The following ZHX3 variants were observed in gnomAD, a reference collection of about 807,000 sequenced individuals.
ZHX3 encodes the protein zinc fingers and homeoboxes protein 3.
In ZHX3, 20 loss-of-function variants were observed where a neutral mutation model predicts 64.5. The observed-to-expected ratio is 0.31, with a 90% CI of 0.22 to 0.45. The LOEUF is 0.45. ZHX3 is among the 20% of genes least tolerant of loss of function. The pLI, the probability that ZHX3 is intolerant of heterozygous loss-of-function variation, is 1.00. For synonymous variants in ZHX3, 423 were observed against 461.6 expected (o/e 0.92, Z 1.07); for missense variants, 1,041 against 1,195.8 (o/e 0.87, Z 1.91).
chr20:41,209,167 A>G (rs191774437), intron 2 of ZHX3, among the ~76,000 whole-genome samples: 7 of 152,338 alleles, frequency 4.6e-5, no homozygotes, highest in African/African-American at 1.7e-4. Context: ...GAGAACTACA[A>G]ACCAGTGCTC....
chr20:41,184,907 CTA>C lies in ZHX3; in HGVS notation c.*282_*283del, dbSNP rs746937476. 7 of 1,533,604 alleles carry C rather than the reference CTA, an allele frequency of 4.6e-6. No individual in the cohort carries two copies. The highest frequency in any genetic ancestry group is 6.1e-6 in the Non-Finnish European group (7 of 1,143,922). The allele number at this position is 1,533,604 out of a possible 1,614,324, so 95.0% of individuals were successfully genotyped here. On this transcript the variant is annotated 3_prime_UTR_variant, in exon 4 of 4. Coordinates refer to ENST00000683867, the MANE Select transcript of ZHX3 (RefSeq NM_001384317.1). ...CTTGATTCTGTGTCTATGAATATGA[CTA>C]TGAACTCTGAACTATTTTATCCATT...
chr20:41,203,702 G>A lies in ZHX3; in HGVS notation c.1215C>T (p.Leu405=), dbSNP rs375328930. The change falls in exon 3 of 4, where the codon CTC becomes CTT. Residue 405 remains leucine, a synonymous_variant. Coordinates refer to ENST00000683867, the MANE Select transcript of ZHX3 (RefSeq NM_001384317.1). The surrounding 1 kb of genome is among the most constrained non-coding windows in gnomAD (Gnocchi z 7.1). ...LVASAGNVQH[L]IQAALPGHVV... ...CGTGACCTGGAAGAGCGGCCTGGAT[G>A]AGATGCTGGACATTGCCAGCACTGG... 2.6e-5 allele frequency: 42 copies of A among 1,614,122 alleles called. 1 individual carries two copies. Among genetic ancestry groups the A allele is most frequent in the Admixed American group, 2.2e-4 (13 of 60,010 alleles).
At chr20:41,197,398 T>A (rs2037826733) in intron 3 of ZHX3, among the ~76,000 whole-genome samples, 1 of 147,426 alleles carries the variant, frequency 6.8e-6, no homozygotes, top group Non-Finnish European at 1.5e-5. Flanking sequence ...TAAATATATT[T>A]TATATATAAT....
At position 41,196,328 on chromosome 20, in the gene ZHX3, A is replaced by AT. The variant is rs1352574786; in HGVS notation, c.2860+5728dup. ...ATAAATATATATTTATAATAAATAT[A>AT]TTTTTATTTCATATATAAATATATA... is the stretch of plus-strand genomic sequence containing the variant. On this transcript the variant is annotated intron_variant, in intron 3 of 3. Transcript: ENST00000683867. 3.5e-4 allele frequency among the ~76,000 whole-genome samples: 38 copies of AT among 109,932 alleles called. 2 individuals carry two copies. The East Asian group carries it at 3.8e-3, about 11-fold the overall frequency. The allele number at this position is 109,932 out of a possible 152,430, so 72.1% of individuals were successfully genotyped here.
At chr20:41,227,143 G>T (rs1054739553) in intron 2 of ZHX3, among the ~76,000 whole-genome samples, 1 of 152,144 alleles carries the variant, frequency 6.6e-6, no homozygotes, top group African/African-American at 2.4e-5. Flanking sequence ...GCTCAATAAA[G>T]TTCTGTATTT....
At chr20:41,272,700 A>G (rs2043201642) in intron 1 of ZHX3, among the ~76,000 whole-genome samples, 1 of 152,218 alleles carries the variant, frequency 6.6e-6, no homozygotes, top group African/African-American at 2.4e-5. Context: ...TGCAGCATGC[A>G]TCAGTACTTC....
At chr20:41,281,468 T>C (rs2043672542) in intron 1 of ZHX3, among the ~76,000 whole-genome samples, 1 of 151,988 alleles carries the variant, frequency 6.6e-6, no homozygotes, top group Non-Finnish European at 1.5e-5. Flanking sequence ...AAAATACACA[T>C]TAGGTGAAGT....
At position 41,182,562 on chromosome 20, in the gene ZHX3, C is replaced by A. The variant is rs1323338119; in HGVS notation, c.*2629G>T. ...AACCCTTGAGTACCTCCTACAATGT[C>A]CCTTTAAGCACCTGCGTGATGACTG... On this transcript the variant is annotated 3_prime_UTR_variant, in exon 4 of 4. Transcript: ENST00000683867. The surrounding 1 kb of genome is among the most constrained non-coding windows in gnomAD (Gnocchi z 6.1). The A allele has an allele frequency of 6.6e-6, 1 of 152,184 alleles. No individual in the cohort carries two copies. Among genetic ancestry groups the A allele is most frequent in the African/African-American group, 2.4e-5 (1 of 41,426 alleles). 9.4% of individuals were successfully genotyped at this position (152,184 alleles called of 1,614,324 possible).
At position 41,219,482 on chromosome 20, in the gene ZHX3, T is replaced by C. The variant is rs938899562; in HGVS notation, c.-150-14416A>G. Among the ~76,000 whole-genome samples, 2 of 152,212 alleles carry C rather than the reference T, an allele frequency of 1.3e-5. No individual in the cohort carries two copies. Among genetic ancestry groups the C allele is most frequent in the African/African-American group, 2.4e-5 (1 of 41,452 alleles). On this transcript the variant is annotated intron_variant, in intron 2 of 3. Coordinates refer to ENST00000683867, the MANE Select transcript of ZHX3 (RefSeq NM_001384317.1). The surrounding 1 kb of genome is among the most constrained non-coding windows in gnomAD (Gnocchi z 5.0). ...GCCTATACCTGAAGATCTCCAAAGATAGGGAGCTTGGCACTTATTGACACT... is the reference window on the plus strand; with the variant it reads ...GCCTATACCTGAAGATCTCCAAAGACAGGGAGCTTGGCACTTATTGACACT...
intron 1 of ZHX3, among the ~76,000 whole-genome samples, chr20:41,290,883 C>G (rs532123918): frequency 6.6e-6 from 1 of 152,306 alleles, no homozygotes; most frequent in South Asian, 2.1e-4. Context: ...CTTTCTTCAT[C>G]TGGGGGCCTC....
Position 41,232,354 on chromosome 20 carries a change from A to G in ZHX3, c.-150-27288T>C, listed in dbSNP as rs1008617066. 2.0e-5 allele frequency among the ~76,000 whole-genome samples: 3 copies of G among 152,178 alleles called. No homozygotes were observed. Among genetic ancestry groups the G allele is most frequent in the Non-Finnish European group, 2.9e-5 (2 of 68,034 alleles). On this transcript the variant is annotated intron_variant, in intron 2 of 3. Coordinates refer to ENST00000683867, the MANE Select transcript of ZHX3 (RefSeq NM_001384317.1). The surrounding 1 kb of genome is among the most constrained non-coding windows in gnomAD (Gnocchi z 5.0). ...AATGGTTAAGAACTAGTATACAGCA[A>G]AGCAGACCTGGGGAGTGTGTGGTGT...
At position 41,200,721 on chromosome 20, in the gene ZHX3, T is replaced by G. The variant is rs1213406736; in HGVS notation, c.2860+1336A>C. 6.6e-6 allele frequency among the ~76,000 whole-genome samples: 1 copy of G among 152,268 alleles called. No individual in the cohort carries two copies. Among genetic ancestry groups the G allele is most frequent in the Non-Finnish European group, 1.5e-5 (1 of 68,024 alleles). On this transcript the variant is annotated intron_variant, in intron 3 of 3. Coordinates refer to ENST00000683867, the MANE Select transcript of ZHX3 (RefSeq NM_001384317.1). The surrounding 1 kb of genome is among the most constrained non-coding windows in gnomAD (Gnocchi z 4.2). Reference sequence around the variant, plus strand: ...TTTGTGGAACTGGATTTTGCCTTAGTATGTTAATATGAGAAGAACAGGCTT... The same window carrying G: ...TTTGTGGAACTGGATTTTGCCTTAGGATGTTAATATGAGAAGAACAGGCTT...
intron 3 of ZHX3, among the ~76,000 whole-genome samples, chr20:41,197,998 T>TC (rs1246835094): frequency 8.0e-5 from 11 of 137,770 alleles, no homozygotes; most frequent in Admixed American, 7.2e-4. Context: ...TAACTAGTGC[T>TC]CTTTTTTTTT....
rs2040421636 is a variant in ZHX3 at position 41,228,738 on chromosome 20, C to T, written c.-150-23672G>A. 6.6e-6 allele frequency among the ~76,000 whole-genome samples: 1 copy of T among 152,320 alleles called. No individual in the cohort carries two copies. On this transcript the variant is annotated intron_variant, in intron 2 of 3. Transcript: ENST00000683867. This position sits in a 1 kb window ranked among gnomAD's most constrained non-coding sequence, Gnocchi z 4.6. Reference sequence around the variant, plus strand: ...TTCAACACGTGAATTTTAGGAGATACATTCAGTCCACTGCACCATACATCC... The same window carrying T: ...TTCAACACGTGAATTTTAGGAGATATATTCAGTCCACTGCACCATACATCC...
Position 41,184,626 on chromosome 20 carries a change from G to A in ZHX3, c.*565C>T. The A allele has an allele frequency of 2.3e-6, 1 of 430,952 alleles. No homozygotes were observed. The highest frequency in any genetic ancestry group is 2.5e-5 in the South Asian group (1 of 40,670). 26.7% of individuals were successfully genotyped at this position (430,952 alleles called of 1,614,324 possible). On this transcript the variant is annotated 3_prime_UTR_variant, in exon 4 of 4. Coordinates refer to ENST00000683867, the MANE Select transcript of ZHX3 (RefSeq NM_001384317.1). Reference sequence around the variant, plus strand: ...TAATGCAGCAGAGATCTCTTCAAAGGTACTGCTTCCTTGAGGAACACAAAG... The same window carrying A: ...TAATGCAGCAGAGATCTCTTCAAAGATACTGCTTCCTTGAGGAACACAAAG...
intron 2 of ZHX3, among the ~76,000 whole-genome samples, chr20:41,256,837 A>C (rs926074795): frequency 1.3e-5 from 2 of 151,874 alleles, no homozygotes; most frequent in Non-Finnish European, 2.9e-5. Flanking sequence ...CCATTTTTAA[A>C]ATAGATTTAG....
At chr20:41,227,367 C>T (rs1328741451) in intron 2 of ZHX3, among the ~76,000 whole-genome samples, 1 of 152,192 alleles carries the variant, frequency 6.6e-6, no homozygotes, top group African/African-American at 2.4e-5. Flanking sequence ...TAAAGTCAAT[C>T]ATAAATCCTG....
chr20:41,230,301 C>T (rs2040521348), intron 2 of ZHX3, among the ~76,000 whole-genome samples: 1 of 152,070 alleles, frequency 6.6e-6, no homozygotes. Context: ...ACTGGAGCCA[C>T]CGGGCAGTGT....
At chr20:41,235,372 A>G (rs2040905943) in intron 2 of ZHX3, among the ~76,000 whole-genome samples, 1 of 152,236 alleles carries the variant, frequency 6.6e-6, no homozygotes, top group Admixed American at 6.5e-5. Flanking sequence ...AAAATCCTCA[A>G]TAAAATACTG....
Sources: gnomAD v4.1 joint callset for allele counts (sites outside exome capture counted in the v4.1 genomes callset) on GRCh38, gnomAD v4.1.1 for gene constraint, Gnocchi (gnomAD v3.1) non-coding constraint, MANE v1.5 for transcripts, NCBI Gene and HGNC (gene_info 2026-07-23, HGNC 2026-07-21) for gene names.